The following FLT1 variants were observed in gnomAD, a reference collection of about 807,000 sequenced individuals.
FLT1 encodes fms related receptor tyrosine kinase 1, also known as vascular endothelial growth factor receptor 1.
A neutral mutation model predicts 156.3 loss-of-function variants in FLT1; 49 were observed. That is an observed-to-expected ratio of 0.31 (90% CI 0.25 to 0.40). The LOEUF is 0.40. Among genes scored for constraint, FLT1 ranks in the 10% least tolerant of loss-of-function variants. The pLI is 1.00. For synonymous variants in FLT1, 594 were observed against 583.8 expected, an observed-to-expected ratio of 1.02 and a Z score of -0.25; for missense variants, 1,322 against 1,637.2, an observed-to-expected ratio of 0.81 and a Z score of 3.32.
At chr13:28,474,507 C>CACACACAGACACACAG (rs1555245773) in intron 1 of FLT1, among the ~76,000 whole-genome samples, 4 of 150,594 alleles carry the variant, frequency 2.7e-5, no homozygotes, top group African/African-American at 7.5e-5. Flanking sequence ...CACACACACA[C>CACACACAGACACACAG]ACACACACAC....
rs57304530 is a variant in FLT1, at chr13:28,357,868, C to CTTTTTTT, written c.2117-190_2117-184dup. On this transcript the variant is annotated intron_variant, in intron 14 of 29. Transcript: ENST00000282397. Reference sequence around the variant, plus strand: ...CCAGGCTTTCTTTTTCTTTTCTTTCCTTTTTTTTTTTTTTTTTTTTTCTGC... The same window carrying CTTTTTTT: ...CCAGGCTTTCTTTTTCTTTTCTTTCCTTTTTTTTTTTTTTTTTTTTTTTTTTTTCTGC... Among the ~76,000 whole-genome samples the CTTTTTTT allele has an allele frequency of 8.0e-4, 84 of 104,728 alleles. 1 individual carries two copies. The highest frequency in any genetic ancestry group is 2.7e-3 in the African/African-American group (74 of 26,972). The allele number at this position is 104,728 out of a possible 152,430, so 68.7% of individuals were successfully genotyped here. A position where few individuals can be genotyped will look rare whatever the true frequency, so the allele number is the denominator to read the frequency against.
chr13:28,322,554 G>A lies in FLT1; in HGVS notation c.2954-195C>T. The A allele has an allele frequency of 1.4e-6, 1 of 722,232 alleles. No homozygotes were observed. The highest frequency in any genetic ancestry group is 2.5e-6 in the Non-Finnish European group (1 of 403,774). The allele number at this position is 722,232 out of a possible 1,614,324, so 44.7% of individuals were successfully genotyped here. A position where few individuals can be genotyped will look rare whatever the true frequency, so the allele number is the denominator to read the frequency against. ...CCAGCCCACTTTATCCAAGCATGGGGGCAGGGGGATGATCCATTAAGATGA... is the reference window on the plus strand; with the variant it reads ...CCAGCCCACTTTATCCAAGCATGGGAGCAGGGGGATGATCCATTAAGATGA... On this transcript the variant is annotated intron_variant, in intron 21 of 29. Coordinates refer to ENST00000282397, the MANE Select transcript of FLT1 (RefSeq NM_002019.4). The surrounding 1 kb of genome is among the most constrained non-coding windows in gnomAD (Gnocchi z 4.3).
At chr13:28,482,275 C>T (rs886184588) in intron 1 of FLT1, among the ~76,000 whole-genome samples, 15 of 152,026 alleles carry the variant, frequency 9.9e-5, no homozygotes, top group African/African-American at 3.4e-4. Flanking sequence ...CCCATCTCTA[C>T]TAAAAATACA....
intron 10 of FLT1, among the ~76,000 whole-genome samples, chr13:28,412,350 C>CTTTCTTTTTCTTTCTT (rs71086853): frequency 1.1e-5 from 1 of 93,704 alleles, no homozygotes; most frequent in Non-Finnish European, 2.3e-5. Context: ...TTCTTTCTTT[C>CTTTCTTTTTCTTTCTT]TCTTTCTTTC....
At chr13:28,470,024 G>A (rs933461844) in intron 1 of FLT1, among the ~76,000 whole-genome samples, 6 of 152,150 alleles carry the variant, frequency 3.9e-5, no homozygotes, top group African/African-American at 1.2e-4. Context: ...AAAGTGTTGA[G>A]ATTAGAGGCA....
chr13:28,311,108 C>G (rs532900104), intron 27 of FLT1, among the ~76,000 whole-genome samples: 156 of 152,254 alleles, frequency 1.0e-3, no homozygotes, highest in African/African-American at 3.6e-3. Flanking sequence ...CAGGTGCCCA[C>G]CACCACACCC....
At chr13:28,387,019 C>T (rs1874406726) in intron 13 of FLT1, 2 of 1,038,508 alleles carry the variant, frequency 1.9e-6, no homozygotes, top group Non-Finnish European at 2.3e-6. Context: ...AGTATAGCAT[C>T]ATCAACACAG....
In FLT1 at chr13:28,300,524, CACA is replaced by C. The variant is rs1870466544; in HGVS notation, c.*2640_*2642del. 2 of 13,784 alleles carry C rather than the reference CACA, an allele frequency of 1.5e-4. No individual in the cohort carries two copies. Among genetic ancestry groups the C allele is most frequent in the South Asian group, 0.029 (2 of 70 alleles). The allele number at this position is 13,784 out of a possible 1,614,324, so 0.9% of individuals were successfully genotyped here. A position where few individuals can be genotyped will look rare whatever the true frequency, so the allele number is the denominator to read the frequency against. ...TATGCACAAAACACACATACACCCA[CACA>C]CACACACACACACACACACACACAC... On this transcript the variant is annotated 3_prime_UTR_variant, in exon 30 of 30. Coordinates refer to ENST00000282397, the MANE Select transcript of FLT1 (RefSeq NM_002019.4).
At chr13:28,460,673 C>T (rs1489438854) in intron 3 of FLT1, among the ~76,000 whole-genome samples, 1 of 139,882 alleles carries the variant, frequency 7.1e-6, no homozygotes, top group African/African-American at 2.6e-5. Flanking sequence ...CCCACCCCCC[C>T]AAAAAATCAC....
intron 13 of FLT1, chr13:28,388,511 A>G: frequency 9.6e-7 from 1 of 1,040,590 alleles, no homozygotes. Flanking sequence ...ATAAATAAAA[A>G]CAACAGAACA....
At chr13:28,319,616 C>G (rs1434082598) in intron 23 of FLT1, 82 bp from the exon 24 acceptor site, 10 of 778,932 alleles carry the variant, frequency 1.3e-5, no homozygotes, top group Non-Finnish European at 2.3e-5. Flanking sequence ...GGTCACCTCC[C>G]AGATAACATA....
intron 23 of FLT1, among the ~76,000 whole-genome samples, chr13:28,321,036 G>A (rs9513078): frequency 0.46 from 69,182 of 152,046 alleles, 18,309 homozygotes; most frequent in East Asian, 0.65. Flanking sequence ...TACTGCTGAC[G>A]GTCTTCCCCG....
At position 28,384,891 on chromosome 13, in the gene FLT1, C is replaced by T. The variant is rs1874263546; in HGVS notation, c.2110G>A (p.Glu704Lys). 1.2e-6 allele frequency: 2 copies of T among 1,613,896 alleles called. No homozygotes were observed. Among genetic ancestry groups the T allele is most frequent in the Non-Finnish European group, 1.7e-6 (2 of 1,179,940 alleles). The change falls in exon 14 of 30, where the codon GAG becomes AAG. Residue 704 changes from glutamate (E) to lysine (K), a missense_variant. By Grantham distance (56) the Glu-to-Lys change is moderately conservative (BLOSUM62 1). Coordinates refer to ENST00000282397, the MANE Select transcript of FLT1 (RefSeq NM_002019.4). ...WFKNNHKIQQ[E>K]PGIILGPGSS... ...AGAAAAAAAAGTCTCTTACCAGGCT[C>T]TTGTTGTATTTTGTGGTTGTTTTTA...
chr13:28,447,174 A>T (rs117523119), intron 3 of FLT1, among the ~76,000 whole-genome samples: 2 of 133,476 alleles, frequency 1.5e-5, no homozygotes, highest in South Asian at 2.5e-4. Flanking sequence ...TATAATATAT[A>T]ATATATTATA....
At chr13:28,493,433 T>G (rs1169803052) in intron 1 of FLT1, among the ~76,000 whole-genome samples, 1 of 152,258 alleles carries the variant, frequency 6.6e-6, no homozygotes, top group Non-Finnish European at 1.5e-5. Context: ...GAACTATTAC[T>G]TGTTACTTGG....
intron 10 of FLT1, among the ~76,000 whole-genome samples, chr13:28,422,327 T>G (rs9513109): frequency 6.6e-6 from 1 of 151,686 alleles, no homozygotes; most frequent in African/African-American, 2.4e-5. Context: ...TTCCCATGAG[T>G]GGGGAATAAC....
At chr13:28,432,612 G>A (rs1431828222) in intron 6 of FLT1, among the ~76,000 whole-genome samples, 1 of 152,182 alleles carries the variant, frequency 6.6e-6, no homozygotes, top group Non-Finnish European at 1.5e-5. Flanking sequence ...CATTTCCTCA[G>A]TCACACTAGT....
At chr13:28,391,770 C>T (rs796765528) in intron 12 of FLT1, among the ~76,000 whole-genome samples, 15 of 152,302 alleles carry the variant, frequency 9.8e-5, no homozygotes, top group African/African-American at 3.4e-4. Flanking sequence ...TCTTCCCCTC[C>T]GCATGCCTAA....
In FLT1 at chr13:28,300,521, C is replaced by CCACACACCCACACACACACACACACA. The variant is rs58634271; in HGVS notation, c.*2645_*2646insTGTGTGTGTGTGTGTGTGGGTGTGTG. ...AGTTATGCACAAAACACACATACAC[C>CCACACACCCACACACACACACACACA]CACACACACACACACACACACACAC... On this transcript the variant is annotated 3_prime_UTR_variant, in exon 30 of 30. Coordinates refer to ENST00000282397, the MANE Select transcript of FLT1 (RefSeq NM_002019.4). 1 of 196,134 alleles carries CCACACACCCACACACACACACACACA rather than the reference C, an allele frequency of 5.1e-6. No homozygotes were observed. Among genetic ancestry groups the CCACACACCCACACACACACACACACA allele is most frequent in the African/African-American group, 2.4e-5 (1 of 42,024 alleles). 12.1% of individuals were successfully genotyped at this position (196,134 alleles called of 1,614,324 possible).
Sources: allele counts gnomAD v4.1 joint callset (sites outside exome capture counted in the v4.1 genomes callset), GRCh38; gene constraint gnomAD v4.1.1; non-coding constraint Gnocchi (gnomAD v3.1); transcripts MANE v1.5; gene names NCBI Gene and HGNC (gene_info 2026-07-23, HGNC 2026-07-21).